The following DAPL1 variants were observed in gnomAD, a reference collection of about 807,000 sequenced individuals.
The protein encoded by DAPL1 is death-associated protein-like 1.
A neutral mutation model predicts 12.9 loss-of-function variants in DAPL1; 17 were observed. The observed-to-expected ratio is 1.32, with a 90% confidence interval of 0.90 to 1.98. The LOEUF is 1.98. DAPL1 is among the 30% of genes most tolerant of loss of function. DAPL1 has a pLI of 0.00. For synonymous variants in DAPL1, 51 were observed against 42.0 expected (o/e 1.21, Z -0.82); for missense variants, 157 against 125.7 (o/e 1.25, Z -1.19).
chr2:158,797,848 T>G (rs2105147111), intron 1 of DAPL1, among the ~76,000 whole-genome samples: 2 of 152,218 alleles, frequency 1.3e-5, no homozygotes, highest in East Asian at 3.9e-4. Flanking sequence ...TACCTATCTA[T>G]GGAGCAGTCA....
chr2:158,795,376 G>T lies in DAPL1; in HGVS notation c.4G>T (p.Ala2Ser), dbSNP rs1225492533. The part of the protein sequence containing the change: M[A>S]NEVQDLLSPR... ...GGCACTGGCACTGGCACACGCTATG[G>T]CAAATGAAGTGCAAGACCTGCTCTC... Residue 2 changes from alanine to serine, a missense_variant, in exon 1 of 4, where the codon GCA becomes TCA. Transcript: ENST00000309950. 1 of 1,555,140 alleles carries T rather than the reference G, an allele frequency of 6.4e-7. No individual in the cohort carries two copies. Among genetic ancestry groups the T allele is most frequent in the East Asian group, 2.4e-5 (1 of 41,240 alleles).
At chr2:158,795,535 A>C (rs2059130097) in intron 1 of DAPL1, 105 bp downstream of exon 1, 4 of 1,099,986 alleles carry the variant, frequency 3.6e-6, no homozygotes, top group Non-Finnish European at 5.4e-6. Context: ...CTGTCTACCC[A>C]GTATGACTTT....
chr2:158,805,993 C>T (rs2059198882), intron 2 of DAPL1, among the ~76,000 whole-genome samples: 1 of 148,226 alleles, frequency 6.7e-6, no homozygotes, highest in Non-Finnish European at 1.5e-5. Context: ...GGAGGAGCCA[C>T]TGTGGCAGGA....
chr2:158,809,099 G>A (rs558105306), intron 3 of DAPL1, among the ~76,000 whole-genome samples: 11 of 152,070 alleles, frequency 7.2e-5, no homozygotes, highest in African/African-American at 2.6e-4. Context: ...GGTGGCTCAC[G>A]CCTGTAATCC....
At chr2:158,799,930 G>A (rs192382879) in intron 1 of DAPL1, among the ~76,000 whole-genome samples, 1 of 151,976 alleles carries the variant, frequency 6.6e-6, no homozygotes, top group Admixed American at 6.6e-5. Context: ...TGGGTGTGGT[G>A]GCGGGCACCT....
intron 2 of DAPL1, among the ~76,000 whole-genome samples, chr2:158,806,349 A>C (rs2059200938): frequency 8.2e-6 from 1 of 122,468 alleles, no homozygotes; most frequent in Admixed American, 8.2e-5. Context: ...AGCCAGATGC[A>C]AAAGAGTACA....
intron 3 of DAPL1, among the ~76,000 whole-genome samples, 191 bp from the exon 4 acceptor site, chr2:158,815,514 G>C (rs2059255157): frequency 6.6e-6 from 1 of 152,138 alleles, no homozygotes; most frequent in South Asian, 2.1e-4. Flanking sequence ...CAGTAAATGA[G>C]AGAAGACCCA....
In DAPL1 at chr2:158,804,488, C is replaced by T. The variant is rs941051625; in HGVS notation, c.146+119C>T. 1.8e-5 allele frequency: 11 copies of T among 614,404 alleles called. No homozygotes were observed. The African/African-American group carries it at 2.1e-4, about 12-fold the overall frequency. 38.1% of individuals were successfully genotyped at this position (614,404 alleles called of 1,614,324 possible). On this transcript the variant is annotated intron_variant, in intron 2 of 3. Transcript: ENST00000309950. Reference sequence around the variant, plus strand: ...CTTTGGAGGCAGCCAGAGAAGGGGGCAGGAGGGGGAGGGCGTGATCCGTGG... The same window carrying T: ...CTTTGGAGGCAGCCAGAGAAGGGGGTAGGAGGGGGAGGGCGTGATCCGTGG...
chr2:158,803,489 G>T (rs1175461397), intron 1 of DAPL1, among the ~76,000 whole-genome samples: 1 of 152,200 alleles, frequency 6.6e-6, no homozygotes, highest in East Asian at 1.9e-4. Context: ...TCTCATTTGA[G>T]CTTGTCAGAT....
At chr2:158,798,206 T>A (rs958134496) in intron 1 of DAPL1, among the ~76,000 whole-genome samples, 16 of 152,102 alleles carry the variant, frequency 1.1e-4, no homozygotes, top group African/African-American at 3.6e-4. Flanking sequence ...TGCCACTGAA[T>A]CCCTAAAGAG....
intron 1 of DAPL1, among the ~76,000 whole-genome samples, chr2:158,796,403 C>G (rs2059134900): frequency 6.6e-6 from 1 of 152,178 alleles, no homozygotes; most frequent in Non-Finnish European, 1.5e-5. Context: ...GGCGGGTAGC[C>G]TGGCCAAAAA....
At chr2:158,809,675 G>A (rs1389469413) in intron 3 of DAPL1, among the ~76,000 whole-genome samples, 1 of 152,170 alleles carries the variant, frequency 6.6e-6, no homozygotes, top group Non-Finnish European at 1.5e-5. Context: ...TACATGCGCA[G>A]TGCTAGGATA....
rs762990934 is a variant in DAPL1, at chr2:158,807,128, C to A, written c.207+13C>A. 1 of 1,601,648 alleles carries A rather than the reference C, an allele frequency of 6.2e-7. No individual in the cohort carries two copies. The highest frequency in any genetic ancestry group is 2.2e-5 in the East Asian group (1 of 44,584). On this transcript the variant is annotated intron_variant, in intron 3 of 3. Transcript: ENST00000309950. ...CGCACTGGAGAAGGTGAGCCGTGGG[C>A]AAATCACATAGCGCTCCAAGTCAAT...
intron 3 of DAPL1, among the ~76,000 whole-genome samples, chr2:158,809,898 GA>G (rs2059221552): frequency 6.6e-6 from 1 of 152,136 alleles, no homozygotes; most frequent in Non-Finnish European, 1.5e-5. Context: ...AACCTAGTAA[GA>G]TTTCACAATA....
Position 158,795,362 on chromosome 2 carries a change from T to A in DAPL1, c.-11T>A, listed in dbSNP as rs202044150. On this transcript the variant is annotated 5_prime_UTR_variant, in exon 1 of 4. Transcript: ENST00000309950. ...AGAGCACCAGCACTGGCACTGGCAC[T>A]GGCACACGCTATGGCAAATGAAGTG... 9 of 1,553,980 alleles carry A rather than the reference T, an allele frequency of 5.8e-6. No homozygotes were observed. Among genetic ancestry groups the A allele is most frequent in the Non-Finnish European group, 7.0e-6 (8 of 1,148,288 alleles).
intron 3 of DAPL1, among the ~76,000 whole-genome samples, chr2:158,813,058 G>A (rs2059240149): frequency 6.6e-6 from 1 of 152,086 alleles, no homozygotes; most frequent in South Asian, 2.1e-4. Flanking sequence ...CCTTACAAAA[G>A]AAAGAAATCT....
At chr2:158,797,447 A>G (rs1177348355) in intron 1 of DAPL1, among the ~76,000 whole-genome samples, 1 of 152,218 alleles carries the variant, frequency 6.6e-6, no homozygotes, top group Non-Finnish European at 1.5e-5. Flanking sequence ...TAGTTGGAAC[A>G]GAAAGAAACT....
intron 3 of DAPL1, among the ~76,000 whole-genome samples, chr2:158,811,573 G>A (rs1323369020): frequency 1.3e-5 from 2 of 152,112 alleles, no homozygotes; most frequent in Non-Finnish European, 2.9e-5. Context: ...AGGTTCTGAG[G>A]TCGCAGCTAC....
At position 158,815,651 on chromosome 2, in the gene DAPL1, T is replaced by C. The variant is rs2059256057; in HGVS notation, c.208-54T>C. The C allele has an allele frequency of 7.1e-6, 8 of 1,119,682 alleles. No individual in the cohort carries two copies. The Admixed American group carries it at 1.4e-4, about 19-fold the overall frequency. 69.4% of individuals were successfully genotyped at this position (1,119,682 alleles called of 1,614,324 possible). ...ATATCACTTTCTACTAGTTTAATAT[T>C]TCATGACCAAGAAGATCCAATATGC... On this transcript the variant is annotated intron_variant, in intron 3 of 3. Transcript: ENST00000309950.
Sources: gnomAD v4.1 joint callset for allele counts (sites outside exome capture counted in the v4.1 genomes callset) on GRCh38, gnomAD v4.1.1 for gene constraint, MANE v1.5 for transcripts, NCBI Gene and HGNC (gene_info 2026-07-23, HGNC 2026-07-21) for gene names.